Variants in PIBF1 observed in about 807,000 individuals in gnomAD.
The protein encoded by PIBF1 is progesterone-induced-blocking factor 1.
Under a neutral mutation model 112.5 loss-of-function variants are expected in PIBF1, and 90 were observed. That is an observed-to-expected ratio of 0.80 (90% CI 0.67 to 0.95). The LOEUF (loss-of-function observed/expected upper bound fraction) is 0.95. Among genes scored for constraint, PIBF1 ranks in the 40% least tolerant of loss-of-function variants. The pLI is 0.00. For synonymous variants in PIBF1, 301 were observed against 288.6 expected (o/e 1.04, Z -0.44); for missense variants, 915 against 852.3 (o/e 1.07, Z -0.92).
At chr13:72,819,641 G>A (rs2036450559) in intron 5 of PIBF1, among the ~76,000 whole-genome samples, 1 of 151,812 alleles carries the variant, frequency 6.6e-6, no homozygotes, top group South Asian at 2.1e-4. Flanking sequence ...GTGAAACTGG[G>A]GATAATTTTT....
chr13:72,997,385 A>G (rs2043712135), intron 16 of PIBF1, among the ~76,000 whole-genome samples: 1 of 152,212 alleles, frequency 6.6e-6, no homozygotes, highest in African/African-American at 2.4e-5. Context: ...AAGAGTCCCC[A>G]AATGGCCCAG....
At chr13:72,802,231 A>T (rs1458281003) in intron 5 of PIBF1, among the ~76,000 whole-genome samples, 1 of 152,140 alleles carries the variant, frequency 6.6e-6, no homozygotes, top group African/African-American at 2.4e-5. Flanking sequence ...TATTTAAGGT[A>T]TCATTCTGGC....
chr13:73,006,372 A>G (rs2044034765), intron 17 of PIBF1, among the ~76,000 whole-genome samples: 2 of 152,146 alleles, frequency 1.3e-5, no homozygotes, highest in African/African-American at 4.8e-5. Flanking sequence ...GATGTTATTT[A>G]ATTTAGCTGG....
At chr13:72,878,454 TTTA>T (rs1222741023) in intron 10 of PIBF1, among the ~76,000 whole-genome samples, 10 of 152,202 alleles carry the variant, frequency 6.6e-5, no homozygotes, top group Non-Finnish European at 7.3e-5. Context: ...CAGTTATCTT[TTTA>T]TTGTTGATTT....
intron 10 of PIBF1, among the ~76,000 whole-genome samples, chr13:72,875,957 T>C (rs906879129): frequency 2.0e-5 from 3 of 152,118 alleles, no homozygotes; most frequent in Non-Finnish European, 4.4e-5. Context: ...TCCAGTTTAT[T>C]CTTTTTTTCA....
At chr13:72,841,941 A>G (rs1229977843) in intron 9 of PIBF1, among the ~76,000 whole-genome samples, 4 of 152,226 alleles carry the variant, frequency 2.6e-5, no homozygotes, top group African/African-American at 4.8e-5. Context: ...TTATGTTGAC[A>G]GTTTAAGGAA....
intron 5 of PIBF1, among the ~76,000 whole-genome samples, chr13:72,819,063 C>T (rs1407936239): frequency 6.6e-6 from 1 of 152,076 alleles, no homozygotes; most frequent in Admixed American, 6.6e-5. Context: ...CTCACATCTG[C>T]ACTCATTCTG....
intron 10 of PIBF1, among the ~76,000 whole-genome samples, chr13:72,875,787 G>T (rs574429607): frequency 6.6e-6 from 1 of 152,118 alleles, no homozygotes; most frequent in Non-Finnish European, 1.5e-5. Context: ...TAATAGGGTT[G>T]TTTGTTATCT....
chr13:72,979,837 G>T (rs2043112463), intron 16 of PIBF1, among the ~76,000 whole-genome samples: 1 of 152,100 alleles, frequency 6.6e-6, no homozygotes, highest in African/African-American at 2.4e-5. Flanking sequence ...CAGGAGAATG[G>T]CATGAACCCG....
intron 10 of PIBF1, among the ~76,000 whole-genome samples, chr13:72,860,312 T>G (rs1444123985): frequency 4.9e-4 from 6 of 12,128 alleles, no homozygotes; most frequent in Non-Finnish European, 1.2e-3. Flanking sequence ...TTTAGGGGTG[T>G]GTGTGTGTGT....
chr13:72,878,584 G>A (rs796700642), intron 10 of PIBF1, among the ~76,000 whole-genome samples: 35 of 152,180 alleles, frequency 2.3e-4, no homozygotes, highest in Admixed American at 5.9e-4. Context: ...TCTGTATTTC[G>A]TGTGAGCTTT....
At chr13:72,889,769 A>T (rs1394866588) in intron 10 of PIBF1, among the ~76,000 whole-genome samples, 2 of 152,114 alleles carry the variant, frequency 1.3e-5, no homozygotes, top group African/African-American at 4.8e-5. Context: ...AAATTTCTTA[A>T]TGCAAGTACC....
chr13:72,934,964 AGTTT>A (rs200885590), intron 14 of PIBF1, among the ~76,000 whole-genome samples: 9 of 151,532 alleles, frequency 5.9e-5, no homozygotes, highest in Admixed American at 1.3e-4. Flanking sequence ...TTAGTTAGTT[AGTTT>A]GTTTGTCTGT....
intron 15 of PIBF1, among the ~76,000 whole-genome samples, chr13:72,970,061 C>G (rs2042849383): frequency 6.7e-6 from 1 of 150,004 alleles, no homozygotes; most frequent in Non-Finnish European, 1.5e-5. Flanking sequence ...TCAATAAAAA[C>G]TCTTTGAAGA....
At chr13:72,854,012 T>G (rs1566361298) in intron 9 of PIBF1, 45 bp from the exon 10 acceptor site, 1 of 1,331,398 alleles carries the variant, frequency 7.5e-7, no homozygotes, top group Admixed American at 1.7e-5. Flanking sequence ...AGAACATAGA[T>G]AAATCACGCA....
At chr13:72,950,575 G>A (rs374720739) in intron 14 of PIBF1, among the ~76,000 whole-genome samples, 16 of 152,166 alleles carry the variant, frequency 1.1e-4, no homozygotes, top group East Asian at 5.8e-4. Context: ...TAGTGTTACC[G>A]TAAACTGTTC....
At chr13:72,822,316 T>C (rs1046153757) in intron 6 of PIBF1, among the ~76,000 whole-genome samples, 12 of 152,106 alleles carry the variant, frequency 7.9e-5, no homozygotes, top group African/African-American at 2.9e-4. Flanking sequence ...GAAGTTTTTT[T>C]CAGCTGTTTC....
chr13:72,999,756 A>T (rs1363583358), intron 17 of PIBF1, among the ~76,000 whole-genome samples: 1 of 152,226 alleles, frequency 6.6e-6, no homozygotes, highest in Non-Finnish European at 1.5e-5. Context: ...AAAAAATGAA[A>T]GTTGCAGTTT....
intron 13 of PIBF1, among the ~76,000 whole-genome samples, chr13:72,927,084 CAG>C (rs575062615): frequency 3.1e-4 from 44 of 143,016 alleles, no homozygotes; most frequent in South Asian, 6.7e-4. Context: ...TTTTTTGAAA[CAG>C]AGTCTCACTC....
Sources: gnomAD v4.1 joint callset for allele counts (sites outside exome capture counted in the v4.1 genomes callset) on GRCh38, gnomAD v4.1.1 for gene constraint, MANE v1.5 for transcripts, NCBI Gene and HGNC (gene_info 2026-07-23, HGNC 2026-07-21) for gene names.